The following WWOX variants were observed in gnomAD, a reference collection of about 807,000 sequenced individuals.
WWOX encodes WW domain-containing oxidoreductase.
In WWOX, 69 loss-of-function variants were observed where a neutral mutation model predicts 46.2. That is an observed-to-expected ratio of 1.49 (90% confidence interval 1.23 to 1.82). WWOX has a LOEUF of 1.82. WWOX is among the 40% of genes most tolerant of loss of function. WWOX has a pLI of 0.00. For missense variants in WWOX, 919 were observed against 542.6 expected, an observed-to-expected ratio of 1.69 and a Z score of -6.89; for synonymous variants, 359 against 202.6, an observed-to-expected ratio of 1.77 and a Z score of -6.56.
intron 5 of WWOX, among the ~76,000 whole-genome samples, chr16:78,295,776 G>C (rs561550670): frequency 6.6e-6 from 1 of 152,316 alleles, no homozygotes; most frequent in South Asian, 2.1e-4. Flanking sequence ...GCAGACACCA[G>C]AATCTCATGG....
intron 8 of WWOX, among the ~76,000 whole-genome samples, chr16:78,538,515 G>C (rs980688762): frequency 6.6e-6 from 1 of 152,100 alleles, no homozygotes; most frequent in Admixed American, 6.6e-5. Context: ...TCTGTAGCCT[G>C]CCCTCCTCTT....
chr16:78,271,732 A>G (rs1305904431), intron 5 of WWOX, among the ~76,000 whole-genome samples: 1 of 152,028 alleles, frequency 6.6e-6, no homozygotes, highest in Admixed American at 6.5e-5. Flanking sequence ...GTCACATGGG[A>G]CTCTGCCCAG....
chr16:78,957,781 ACT>A (rs1378643395), intron 8 of WWOX, among the ~76,000 whole-genome samples: 1 of 151,996 alleles, frequency 6.6e-6, no homozygotes, highest in Non-Finnish European at 1.5e-5. Context: ...AAGAATTAGG[ACT>A]CTCTTGTCCT....
intron 8 of WWOX, among the ~76,000 whole-genome samples, chr16:78,634,675 C>T (rs571697352): frequency 2.0e-5 from 3 of 149,632 alleles, no homozygotes; most frequent in African/African-American, 7.4e-5. Flanking sequence ...CACTGCACTC[C>T]AGCCTGGGTG....
chr16:78,849,320 C>A (rs1036475295), intron 8 of WWOX, among the ~76,000 whole-genome samples: 1 of 152,028 alleles, frequency 6.6e-6, no homozygotes, highest in African/African-American at 2.4e-5. Context: ...CCTGTAATCC[C>A]AGCACTTTGG....
chr16:79,011,658 A>AT (rs917234017), intron 8 of WWOX, among the ~76,000 whole-genome samples: 79 of 150,120 alleles, frequency 5.3e-4, no homozygotes, highest in Non-Finnish European at 7.9e-4. Flanking sequence ...ATAGCCAGCT[A>AT]TTTTTTTTGC....
At chr16:79,094,862 T>A (rs890241013) in intron 8 of WWOX, among the ~76,000 whole-genome samples, 1 of 152,180 alleles carries the variant, frequency 6.6e-6, no homozygotes, top group Non-Finnish European at 1.5e-5. Flanking sequence ...AGGTTTACAC[T>A]GTGTCTACCC....
intron 8 of WWOX, among the ~76,000 whole-genome samples, chr16:78,598,365 C>G (rs907104731): frequency 2.0e-5 from 3 of 152,166 alleles, no homozygotes; most frequent in Non-Finnish European, 4.4e-5. Flanking sequence ...TTTTGGAAAG[C>G]TCATGTAGAC....
chr16:78,694,330 C>G (rs1272567186), intron 8 of WWOX, among the ~76,000 whole-genome samples: 3 of 152,188 alleles, frequency 2.0e-5, no homozygotes, highest in East Asian at 3.9e-4. Flanking sequence ...AAGCTGCGAC[C>G]ATGGTCTTTA....
intron 8 of WWOX, among the ~76,000 whole-genome samples, chr16:78,978,505 A>T (rs369585073): frequency 2.0e-5 from 3 of 152,188 alleles, no homozygotes; most frequent in East Asian, 1.9e-4. Flanking sequence ...CTGTCAGTCT[A>T]TTCTGGCACT....
At chr16:78,692,488 C>T (rs750137820) in intron 8 of WWOX, among the ~76,000 whole-genome samples, 1 of 152,152 alleles carries the variant, frequency 6.6e-6, no homozygotes, top group Non-Finnish European at 1.5e-5. Context: ...ACCTGGCTGA[C>T]ATCTGTTCAT....
At chr16:78,752,320 C>G (rs1376101552) in intron 8 of WWOX, among the ~76,000 whole-genome samples, 2 of 152,224 alleles carry the variant, frequency 1.3e-5, no homozygotes, top group Non-Finnish European at 2.9e-5. Flanking sequence ...GAGTCTCACA[C>G]TCTGTTGCCC....
chr16:79,210,845 G>C (rs190814733), intron 8 of WWOX, among the ~76,000 whole-genome samples: 6 of 152,238 alleles, frequency 3.9e-5, no homozygotes, highest in Admixed American at 3.3e-4. Context: ...TTACTCAAAA[G>C]GTGAATGAAA....
intron 8 of WWOX, among the ~76,000 whole-genome samples, chr16:79,190,018 G>A (rs566933560): frequency 4.6e-5 from 7 of 151,814 alleles, no homozygotes; most frequent in Non-Finnish European, 8.8e-5. Context: ...TTTTCATAAC[G>A]CCTTGTTTTT....
At chr16:78,819,180 C>T (rs902919103) in intron 8 of WWOX, among the ~76,000 whole-genome samples, 1 of 152,140 alleles carries the variant, frequency 6.6e-6, no homozygotes, top group Non-Finnish European at 1.5e-5. Flanking sequence ...TCTTCTCAGC[C>T]CCATCAGGTT....
At chr16:78,148,694 G>T (rs2151717409) in intron 4 of WWOX, among the ~76,000 whole-genome samples, 1 of 151,816 alleles carries the variant, frequency 6.6e-6, no homozygotes, top group East Asian at 1.9e-4. Flanking sequence ...TCAGGAGATC[G>T]AGACCATCCT....
intron 8 of WWOX, chr16:78,551,841 C>T (rs2044181489): frequency 6.6e-6 from 1 of 152,196 alleles, no homozygotes; most frequent in South Asian, 2.1e-4. Flanking sequence ...AAACAGAAAC[C>T]ACTTTCAGCT....
At chr16:78,116,742 A>G (rs2032812771) in intron 4 of WWOX, among the ~76,000 whole-genome samples, 1 of 152,224 alleles carries the variant, frequency 6.6e-6, no homozygotes, top group African/African-American at 2.4e-5. Flanking sequence ...TTAAGAAAAA[A>G]GGACTTAAGG....
intron 8 of WWOX, among the ~76,000 whole-genome samples, chr16:78,568,372 C>T (rs116489363): frequency 0.019 from 2,914 of 151,928 alleles, 57 homozygotes; most frequent in African/African-American, 0.047. Context: ...TGGCAGTACT[C>T]AGACCATTTA....
Sources: allele counts gnomAD v4.1 joint callset (sites outside exome capture counted in the v4.1 genomes callset), GRCh38; gene constraint gnomAD v4.1.1; transcripts MANE v1.5; gene names NCBI Gene and HGNC (gene_info 2026-07-23, HGNC 2026-07-21).